The following PHF14 variants were observed in gnomAD, a reference collection of about 807,000 sequenced individuals.
The protein encoded by PHF14 is PHD finger protein 14.
PHF14 carries 55 observed loss-of-function variants against 117.9 expected under a neutral mutation model. That is an observed-to-expected ratio of 0.47 (90% CI 0.38 to 0.58). The LOEUF (loss-of-function observed/expected upper bound fraction) is 0.58. Ranked by LOEUF, PHF14 falls within the 20% of genes least tolerant of loss-of-function variation. PHF14 has a pLI of 0.00. For missense variants in PHF14, 978 were observed against 1,122.2 expected (o/e 0.87, Z 1.84); for synonymous variants, 409 against 368.6 (o/e 1.11, Z -1.26).
intron 16 of PHF14, among the ~76,000 whole-genome samples, chr7:11,090,884 T>C (rs1786617179): frequency 6.6e-6 from 1 of 151,968 alleles, no homozygotes; most frequent in African/African-American, 2.4e-5. Context: ...TATGAGTAGG[T>C]TTTAGGAGAT....
rs1284681862 is a variant in PHF14, at chr7:11,130,431, T to C, written c.2772+18964T>C. Among the ~76,000 whole-genome samples, 5 of 152,048 alleles carry C rather than the reference T, an allele frequency of 3.3e-5. No individual in the cohort carries two copies. In the East Asian group the frequency reaches 9.6e-4, roughly 29 times the overall value. On this transcript the variant is annotated intron_variant, in intron 17 of 17. Transcript: ENST00000634607. The surrounding 1 kb of genome is among the most constrained non-coding windows in gnomAD (Gnocchi z 4.2). ...ATAGTGTGAAATGTAATGGTAGTAG[T>C]AATAGCTGCTAATATGTTCTCTTGA...
At chr7:10,991,897 C>G (rs1782469319) in intron 4 of PHF14, among the ~76,000 whole-genome samples, 1 of 147,452 alleles carries the variant, frequency 6.8e-6, no homozygotes, top group South Asian at 2.2e-4. Flanking sequence ...TGTGCCAGGC[C>G]TTATTTCCAG....
chr7:10,990,644 TAA>T lies in PHF14; in HGVS notation c.901-58_901-57del, dbSNP rs1480952342. 8 of 1,074,934 alleles carry T rather than the reference TAA, an allele frequency of 7.4e-6. No homozygotes were observed. The East Asian group carries it at 1.1e-4, about 14-fold the overall frequency. The allele number at this position is 1,074,934 out of a possible 1,614,324, so 66.6% of individuals were successfully genotyped here. ...TTAAGTAATAAAGAATTTTAGTGAT[TAA>T]GTTTTTTTTTTACTTTAAATGTGAT... On this transcript the variant is annotated intron_variant, in intron 3 of 17. Coordinates refer to ENST00000634607, the MANE Select transcript of PHF14 (RefSeq NM_001007157.2).
At chr7:11,132,457 T>C (rs1408020767) in intron 17 of PHF14, among the ~76,000 whole-genome samples, 1 of 151,746 alleles carries the variant, frequency 6.6e-6, no homozygotes, top group Non-Finnish European at 1.5e-5. Flanking sequence ...AAATAACATC[T>C]CATTTATATA....
intron 5 of PHF14, among the ~76,000 whole-genome samples, chr7:11,019,265 T>TA (rs1395646612): frequency 1.3e-5 from 2 of 152,200 alleles, no homozygotes; most frequent in African/African-American, 4.8e-5. Context: ...AGTTTGGAAA[T>TA]ATTCCCTCTT....
chr7:11,109,792 T>G (rs568353678), intron 16 of PHF14: 1 of 152,060 alleles, frequency 6.6e-6, no homozygotes, highest in East Asian at 1.9e-4. Flanking sequence ...TCATAGTAAA[T>G]AAAGTACTGT....
chr7:11,078,948 C>T (rs1785973648), intron 16 of PHF14, among the ~76,000 whole-genome samples: 1 of 151,904 alleles, frequency 6.6e-6, no homozygotes, highest in Non-Finnish European at 1.5e-5. Flanking sequence ...GTATTTTTAG[C>T]ATTTCTCATA....
chr7:11,148,952 A>G, intron 17 of PHF14, among the ~76,000 whole-genome samples: 1 of 152,112 alleles, frequency 6.6e-6, no homozygotes, highest in Non-Finnish European at 1.5e-5. Context: ...TACTAGCATA[A>G]TTTGCATACA....
Position 11,036,589 on chromosome 7 carries a change from A to G in PHF14, c.1774A>G (p.Ile592Val). The stretch of plus-strand genomic sequence containing the variant: ...AGAACTCATGGGGATCAGTACAGAT[A>G]TCTTTCCAGTGGACAATTCAGATAC... The part of the protein sequence containing the change: ...KAELMGISTD[I>V]FPVDNSDTSS... Residue 592 changes from isoleucine (I) to valine (V), a missense_variant, in exon 9 of 18, where the codon ATC becomes GTC. Around this residue, in one of 7 missense-constraint regions of PHF14, gnomAD observed 237 missense variants for 276.4 expected, o/e 0.86. Transcript: ENST00000634607. The G allele has an allele frequency of 3.7e-6, 6 of 1,613,890 alleles. No individual in the cohort carries two copies. The highest frequency in any genetic ancestry group is 3.4e-6 in the Non-Finnish European group (4 of 1,179,792).
chr7:11,153,021 G>A (rs1366133003), intron 17 of PHF14, among the ~76,000 whole-genome samples: 3 of 152,176 alleles, frequency 2.0e-5, no homozygotes, highest in Admixed American at 1.3e-4. Context: ...GGTCATGGCA[G>A]TAGTTTGGAT....
In PHF14 at chr7:11,111,362, C is replaced by T. The variant is rs1454799740; in HGVS notation, c.2667C>T (p.Cys889=). 1.3e-6 allele frequency: 2 copies of T among 1,586,436 alleles called. No homozygotes were observed. The highest frequency in any genetic ancestry group is 1.7e-6 in the Non-Finnish European group (2 of 1,157,734). Residue 889 remains cysteine, a synonymous_variant, in exon 17 of 18, where the codon TGC becomes TGT. Transcript: ENST00000634607. ...GTTTACCCTGCAGGTGTGATGAATG[C>T]AGACTCTGCTACCATTTTGGCTGTT... ...DNENLVRCDE[C]RLCYHFGCLD...
intron 4 of PHF14, chr7:11,006,350 T>TC: frequency 2.3e-6 from 1 of 435,918 alleles, no homozygotes; most frequent in Non-Finnish European, 4.4e-6. Context: ...TCTTTTTTTT[T>TC]CTGGTGAAAA....
intron 17 of PHF14, among the ~76,000 whole-genome samples, chr7:11,125,804 T>C (rs1787912266): frequency 6.6e-6 from 1 of 152,124 alleles, no homozygotes; most frequent in South Asian, 2.1e-4. Context: ...TTTAATATTT[T>C]CTCTGAAGGT....
At chr7:11,087,571 CT>C (rs1452974384) in intron 16 of PHF14, among the ~76,000 whole-genome samples, 2 of 152,144 alleles carry the variant, frequency 1.3e-5, no homozygotes, top group African/African-American at 4.8e-5. Context: ...TAATCTTTGG[CT>C]TTGCTCCAAT....
chr7:11,127,209 A>G (rs929498586), intron 17 of PHF14, among the ~76,000 whole-genome samples: 1 of 151,214 alleles, frequency 6.6e-6, no homozygotes, highest in African/African-American at 2.4e-5. Flanking sequence ...TGTAGTTTGG[A>G]AGTGGGGCAT....
chr7:11,103,774 C>T (rs2128341903), intron 16 of PHF14: 5 of 984,970 alleles, frequency 5.1e-6, no homozygotes, highest in Non-Finnish European at 6.0e-6. Flanking sequence ...TCTCTAGTTA[C>T]AGTGAGGAAC....
At chr7:11,080,741 CA>C in intron 16 of PHF14, among the ~76,000 whole-genome samples, 1 of 152,094 alleles carries the variant, frequency 6.6e-6, no homozygotes, top group East Asian at 1.9e-4. Flanking sequence ...TGGTTTCAAC[CA>C]AAAATGACTG....
intron 2 of PHF14, among the ~76,000 whole-genome samples, chr7:10,979,146 C>T (rs1389673102): frequency 6.6e-6 from 1 of 152,004 alleles, no homozygotes; most frequent in African/African-American, 2.4e-5. Context: ...ATGGGGAGAA[C>T]ATTGGATATA....
At chr7:11,155,664 G>A (rs766969396) in intron 17 of PHF14, among the ~76,000 whole-genome samples, 4 of 152,054 alleles carry the variant, frequency 2.6e-5, no homozygotes, top group African/African-American at 4.8e-5. Context: ...TCCATTGAAT[G>A]TGTCATAATT....
Sources: gnomAD v4.1 joint callset for allele counts (sites outside exome capture counted in the v4.1 genomes callset) on GRCh38, gnomAD v4.1.1 for gene constraint, gnomAD v4.1.1 regional missense constraint, Gnocchi (gnomAD v3.1) non-coding constraint, MANE v1.5 for transcripts, NCBI Gene and HGNC (gene_info 2026-07-23, HGNC 2026-07-21) for gene names.